The following NCAPD3 variants were observed in gnomAD, a reference collection of about 807,000 sequenced individuals.
NCAPD3 encodes condensin-2 complex subunit D3.
A neutral mutation model predicts 182.9 loss-of-function variants in NCAPD3; 105 were observed. That is an observed-to-expected ratio of 0.57 (90% CI 0.49 to 0.68). The LOEUF is 0.68. NCAPD3 is among the 30% of genes least tolerant of loss of function. The pLI, the probability that NCAPD3 is intolerant of heterozygous loss-of-function variation, is 0.00. For synonymous variants in NCAPD3, 815 were observed against 679.9 expected (o/e 1.20, Z -3.09); for missense variants, 1,944 against 1,837.0 (o/e 1.06, Z -1.07).
At chr11:134,179,854 A>G (rs562940846) in intron 20 of NCAPD3, among the ~76,000 whole-genome samples, 1 of 152,234 alleles carries the variant, frequency 6.6e-6, no homozygotes, top group Admixed American at 6.5e-5. Flanking sequence ...AAGAAAGCCA[A>G]TAACAAAGTA....
chr11:134,202,315 T>C lies in NCAPD3; in HGVS notation c.1615+501A>G, dbSNP rs138383592. Among the ~76,000 whole-genome samples, 848 of 152,290 alleles carry C rather than the reference T, an allele frequency of 5.6e-3. 8 individuals are homozygous for C. The highest frequency in any genetic ancestry group is 0.019 in the African/African-American group (803 of 41,566). ...GGTGTTACAACCGGAAAACGACAGG[T>C]ATACCCCTAGATCATGCAGCTATTT... On this transcript the variant is annotated intron_variant, in intron 13 of 34. Transcript: ENST00000534548.
intron 20 of NCAPD3, among the ~76,000 whole-genome samples, chr11:134,180,230 T>C (rs1005523844): frequency 2.0e-5 from 3 of 152,078 alleles, no homozygotes; most frequent in East Asian, 3.9e-4. Context: ...TGCCTCAGGC[T>C]CAATGGTCTT....
rs116145226 is a variant in NCAPD3 at position 134,175,589 on chromosome 11, A to G, written c.3101+718T>C. 7.8e-3 allele frequency among the ~76,000 whole-genome samples: 1,182 copies of G among 152,332 alleles called. 11 individuals carry two copies. The highest frequency in any genetic ancestry group is 0.027 in the African/African-American group (1,105 of 41,564). ...TGTTAGCAGCCATTTATAGTTAATGAGCTCTGTAAAGACCTCTTCCCCACT... is the reference window on the plus strand; with the variant it reads ...TGTTAGCAGCCATTTATAGTTAATGGGCTCTGTAAAGACCTCTTCCCCACT... On this transcript the variant is annotated intron_variant, in intron 24 of 34. Coordinates refer to ENST00000534548, the MANE Select transcript of NCAPD3 (RefSeq NM_015261.3).
chr11:134,184,996 G>A lies in NCAPD3; in HGVS notation c.2242C>T (p.Gln748Ter), dbSNP rs759387582. 1 of 1,608,270 alleles carries A rather than the reference G, an allele frequency of 6.2e-7. No individual in the cohort carries two copies. Among genetic ancestry groups the A allele is most frequent in the Non-Finnish European group, 8.5e-7 (1 of 1,174,780 alleles). The stretch of plus-strand genomic sequence containing the variant: ...CCTAAGGTGTTTGAATTGGGATTCT[G>A]CTGACTAGAGAAAGGGCAGGAGGAA... ...IQSWEKISSQ[Q>*]NPNSNTLGHI... is the part of the protein sequence containing the mutation. The change falls in exon 18 of 35, where the codon CAG (glutamine) becomes TAG (stop). Residue 748 changes from glutamine (Q) to a stop codon, truncating the protein, a stop_gained. Coordinates refer to ENST00000534548, the MANE Select transcript of NCAPD3 (RefSeq NM_015261.3). LOFTEE classifies it high-confidence loss of function.
At chr11:134,167,875 TG>T (rs1183937492) in intron 27 of NCAPD3, 120 bp downstream of exon 27, 7 of 913,750 alleles carry the variant, frequency 7.7e-6, no homozygotes, top group South Asian at 1.6e-5. Flanking sequence ...GAGATGAGCT[TG>T]GGGGAGGTGC....
chr11:134,195,024 G>A (rs1944598229), intron 13 of NCAPD3, among the ~76,000 whole-genome samples: 1 of 152,158 alleles, frequency 6.6e-6, no homozygotes, highest in Non-Finnish European at 1.5e-5. Context: ...GCTACAAATA[G>A]GAGTATCTAA....
intron 23 of NCAPD3, 133 bp from the exon 24 acceptor site, chr11:134,176,519 C>A: frequency 1.4e-6 from 1 of 705,668 alleles, no homozygotes; most frequent in South Asian, 1.7e-5. Context: ...CACTTCCAAA[C>A]CGTCGGAATG....
chr11:134,210,869 A>G (rs570824412), intron 3 of NCAPD3, among the ~76,000 whole-genome samples: 2 of 152,358 alleles, frequency 1.3e-5, no homozygotes, highest in South Asian at 4.1e-4. Flanking sequence ...GTAAATCCAC[A>G]CAAATTATAA....
At chr11:134,225,153 G>C (rs1347279439), upstream of NCAPD3, 1 of 1,613,104 alleles carries the variant, frequency 6.2e-7, no homozygotes, top group East Asian at 2.2e-5. Flanking sequence ...GCAGAGCGTG[G>C]AGGTGGAAAT....
At chr11:134,164,472 G>A (rs1207694441) in intron 27 of NCAPD3, among the ~76,000 whole-genome samples, 4 of 152,248 alleles carry the variant, frequency 2.6e-5, no homozygotes, top group East Asian at 3.8e-4. Context: ...TAAGAAAGAA[G>A]TCAGCACCAG....
In NCAPD3 at chr11:134,168,208, G is replaced by A. The variant is rs752036989; in HGVS notation, c.3374-13C>T. 81 of 1,609,760 alleles carry A rather than the reference G, an allele frequency of 5.0e-5. No homozygotes were observed. Among genetic ancestry groups the A allele is most frequent in the Non-Finnish European group, 5.3e-5 (62 of 1,176,696 alleles). Reference sequence around the variant, plus strand: ...TCAGCAAAGCACGCTGAGAGACAGAGAGAGAGAAAAACGTGAGCTTCTGAG... The same window carrying A: ...TCAGCAAAGCACGCTGAGAGACAGAAAGAGAGAAAAACGTGAGCTTCTGAG... On this transcript the variant is annotated splice_polypyrimidine_tract_variant and intron_variant, in intron 26 of 34. Transcript: ENST00000534548.
Position 134,181,154 on chromosome 11 carries a change from G to C in NCAPD3, c.2482C>G (p.Leu828Val), listed in dbSNP as rs1434800279. 1 of 1,614,046 alleles carries C rather than the reference G, an allele frequency of 6.2e-7. No homozygotes were observed. Among genetic ancestry groups the C allele is most frequent in the South Asian group, 1.1e-5 (1 of 91,076 alleles). The change falls in exon 20 of 35, where the codon CTC becomes GTC. Residue 828 changes from leucine (L) to valine (V), a missense_variant. Around this residue, in one of 3 missense-constraint regions of NCAPD3, gnomAD observed 1,803 missense variants for 1,674.6 expected, o/e 1.08. Transcript: ENST00000534548. ...ELLTQVCGDVLSTCEHRLSNI... is the reference protein window; with the variant it reads ...ELLTQVCGDVVSTCEHRLSNI... ...GAGAGGCGGTGCTCGCAGGTGGAGA[G>C]TACATCCCCACACACCTGCGTCAGC...
upstream of NCAPD3, chr11:134,224,694 C>G (rs1178143742): frequency 6.6e-6 from 1 of 152,124 alleles, no homozygotes; most frequent in Admixed American, 6.5e-5. Flanking sequence ...CGCCTCGGTG[C>G]GTTGCACCGC....
chr11:134,208,814 A>G, intron 7 of NCAPD3, 50 bp downstream of exon 7: 1 of 1,223,810 alleles, frequency 8.2e-7, no homozygotes, highest in Non-Finnish European at 1.2e-6. Context: ...CATATGGTTC[A>G]TGTGCCTTCG....
chr11:134,153,685 AC>A (rs1943331192), intron 32 of NCAPD3: 1 of 400,910 alleles, frequency 2.5e-6, no homozygotes, highest in Non-Finnish European at 4.7e-6. Context: ...TGTCCCACTT[AC>A]TACACCTCCT....
At position 134,161,892 on chromosome 11, in the gene NCAPD3, C is replaced by T. The variant is rs1307312876; in HGVS notation, c.3574-1G>A. The T allele has an allele frequency of 6.9e-7, 1 of 1,455,182 alleles. No homozygotes were observed. Among genetic ancestry groups the T allele is most frequent in the Non-Finnish European group, 9.5e-7 (1 of 1,051,724 alleles). The allele number at this position is 1,455,182 out of a possible 1,614,324, so 90.1% of individuals were successfully genotyped here. ...TTTCTATGAAATTCCTCTTCTGAAC[C>T]TGGTAACACAAACAAAGACATGTTT... On this transcript the variant is annotated splice_acceptor_variant, in intron 27 of 34. Coordinates refer to ENST00000534548, the MANE Select transcript of NCAPD3 (RefSeq NM_015261.3). LOFTEE classifies it high-confidence loss of function.
chr11:134,204,934 C>G lies in NCAPD3; in HGVS notation c.1054G>C (p.Val352Leu), dbSNP rs199798325. Residue 352 changes from valine (V) to leucine (L), a missense_variant, in exon 9 of 35, where the codon GTC becomes CTC. Val to Leu is a conservative substitution (Grantham distance 32, BLOSUM62 1). Transcript: ENST00000534548. The surrounding 1 kb of genome is among the most constrained non-coding windows in gnomAD (Gnocchi z 4.3). ...ATGTGCTGCAGTAAGATACGGACGA[C>G]TGGGAATATACTCTCCTTTAATTCA... is the stretch of plus-strand genomic sequence containing the variant. ...VDELKESIFP[V>L]VRILLQHICA... The G allele has an allele frequency of 1.4e-5, 23 of 1,613,694 alleles. No individual in the cohort carries two copies. The highest frequency in any genetic ancestry group is 1.9e-5 in the Non-Finnish European group (22 of 1,179,776).
At position 134,153,354 on chromosome 11, in the gene NCAPD3, C is replaced by G. The variant is rs201517610; in HGVS notation, c.4262G>C (p.Ser1421Thr). The G allele has an allele frequency of 5.0e-6, 8 of 1,614,054 alleles. No individual in the cohort carries two copies. Among genetic ancestry groups the G allele is most frequent in the Non-Finnish European group, 6.8e-6 (8 of 1,180,036 alleles). The part of the protein sequence containing the change: ...RAISTPEKSI[S>T]DVTFGAGVSY... ...GACCCCTGCTCCAAACGTGACATCACTGATGCTCTCTGCATAAAGAGGAGA... is the reference window on the plus strand; with the variant it reads ...GACCCCTGCTCCAAACGTGACATCAGTGATGCTCTCTGCATAAAGAGGAGA... The change falls in exon 33 of 35, where the codon AGT becomes ACT. Residue 1421 changes from serine to threonine, a missense_variant. By Grantham distance (58) the Ser-to-Thr change is moderately conservative. This residue lies in a region of NCAPD3 where 1,803 missense variants were observed against 1,674.6 expected (regional missense o/e 1.08). Transcript: ENST00000534548.
chr11:134,161,963 C>CT, intron 27 of NCAPD3, 72 bp from the exon 28 acceptor site: 1 of 769,750 alleles, frequency 1.3e-6, no homozygotes, highest in Non-Finnish European at 2.1e-6. Flanking sequence ...TGATCTAGTT[C>CT]TTTGAGTAGA....
Sources: allele counts gnomAD v4.1 joint callset (sites outside exome capture counted in the v4.1 genomes callset), GRCh38; gene constraint gnomAD v4.1.1; regional missense constraint gnomAD v4.1.1; non-coding constraint Gnocchi (gnomAD v3.1); transcripts MANE v1.5; gene names NCBI Gene and HGNC (gene_info 2026-07-23, HGNC 2026-07-21).